Variants in PDE7B observed in about 807,000 individuals in gnomAD.
PDE7B encodes the protein 3',5'-cyclic-AMP phosphodiesterase 7B.
PDE7B carries 29 observed loss-of-function variants against 56.2 expected under a neutral mutation model. That is an observed-to-expected ratio of 0.52 (90% CI 0.38 to 0.70). The LOEUF (loss-of-function observed/expected upper bound fraction) is 0.70, where lower values mean the gene tolerates loss of function less well. PDE7B is among the 30% of genes least tolerant of loss of function. The pLI is 0.00. For synonymous variants in PDE7B, 197 were observed against 196.9 expected, an observed-to-expected ratio of 1.00 and a Z score of 0.00; for missense variants, 490 against 565.0, an observed-to-expected ratio of 0.87 and a Z score of 1.35.
chr6:135,893,382 T>C (rs1775843241), intron 1 of PDE7B, among the ~76,000 whole-genome samples: 1 of 152,016 alleles, frequency 6.6e-6, no homozygotes, highest in Non-Finnish European at 1.5e-5. Context: ...TCCATGTCCC[T>C]ACAAAGGACA....
chr6:135,977,587 T>C (rs1775208631), intron 2 of PDE7B, among the ~76,000 whole-genome samples: 1 of 152,104 alleles, frequency 6.6e-6, no homozygotes, highest in South Asian at 2.1e-4. Context: ...AGATGGATCT[T>C]TTAACCTACA....
chr6:136,056,512 CTTTTTTTTTTTTTTTTTTTTT>C (rs542232291), intron 2 of PDE7B, among the ~76,000 whole-genome samples: 5,241 of 54,044 alleles, frequency 0.097, 183 homozygotes, highest in Non-Finnish European at 0.13. Flanking sequence ...AGATAGAATC[CTTTTTTTTTTTTTTTTTTTTT>C]TTTTTTTTTT....
intron 3 of PDE7B, among the ~76,000 whole-genome samples, chr6:136,132,264 A>G (rs1047394615): frequency 6.6e-6 from 1 of 152,014 alleles, no homozygotes; most frequent in Non-Finnish European, 1.5e-5. Flanking sequence ...CTACTTTACT[A>G]TACCTTTTTT....
chr6:135,874,662 T>G (rs539196027), intron 1 of PDE7B, among the ~76,000 whole-genome samples: 3 of 152,314 alleles, frequency 2.0e-5, no homozygotes, highest in African/African-American at 7.2e-5. Flanking sequence ...ATTTTTATTT[T>G]AAAAAATCCA....
chr6:135,857,732 A>G (rs1269955251), intron 1 of PDE7B, among the ~76,000 whole-genome samples: 2 of 152,222 alleles, frequency 1.3e-5, no homozygotes, highest in Non-Finnish European at 2.9e-5. Flanking sequence ...AAATTATTGC[A>G]AAATCATACA....
At chr6:135,951,648 T>C (rs368969092) in intron 2 of PDE7B, among the ~76,000 whole-genome samples, 3 of 152,230 alleles carry the variant, frequency 2.0e-5, no homozygotes, top group African/African-American at 7.2e-5. Flanking sequence ...TAGAATGGGA[T>C]TTTTTCAAAT....
At chr6:135,978,507 C>T (rs1437202711) in intron 2 of PDE7B, among the ~76,000 whole-genome samples, 3 of 151,984 alleles carry the variant, frequency 2.0e-5, no homozygotes, top group Non-Finnish European at 2.9e-5. Context: ...ATAAATTAAC[C>T]GTAGCTTACA....
At chr6:136,139,145 G>A (rs959506389) in intron 3 of PDE7B, among the ~76,000 whole-genome samples, 1 of 152,074 alleles carries the variant, frequency 6.6e-6, no homozygotes, top group African/African-American at 2.4e-5. Context: ...ACAGGCCCCA[G>A]TGTGTGATGT....
chr6:135,882,825 G>C (rs1213469962), intron 1 of PDE7B, among the ~76,000 whole-genome samples: 1 of 152,164 alleles, frequency 6.6e-6, no homozygotes, highest in African/African-American at 2.4e-5. Context: ...TCAATGACCA[G>C]TGGAGACCTG....
chr6:135,910,853 T>C (rs879573253), intron 1 of PDE7B, among the ~76,000 whole-genome samples: 2 of 152,124 alleles, frequency 1.3e-5, no homozygotes, highest in Non-Finnish European at 2.9e-5. Context: ...GCCAAGGAGA[T>C]TATTTTATGA....
intron 3 of PDE7B, among the ~76,000 whole-genome samples, chr6:136,118,980 G>C (rs1043792078): frequency 6.6e-6 from 1 of 152,112 alleles, no homozygotes; most frequent in Non-Finnish European, 1.5e-5. Flanking sequence ...ACATTTCATC[G>C]CCTGACCTTG....
At chr6:136,028,602 C>T (rs1036443164) in intron 2 of PDE7B, among the ~76,000 whole-genome samples, 55 of 152,204 alleles carry the variant, frequency 3.6e-4, no homozygotes, top group Admixed American at 1.5e-3. Context: ...CTTTGAGAGC[C>T]TCCTCCCATT....
At chr6:136,122,930 C>T (rs1247165243) in intron 3 of PDE7B, among the ~76,000 whole-genome samples, 1 of 152,218 alleles carries the variant, frequency 6.6e-6, no homozygotes, top group Non-Finnish European at 1.5e-5. Context: ...AGCCTCCAGA[C>T]ACACTAAGAC....
chr6:136,194,929 C>T lies in PDE7B; in HGVS notation c.*3089C>T, dbSNP rs1309875670. The T allele has an allele frequency of 6.6e-6, 1 of 152,168 alleles. No homozygotes were observed. The highest frequency in any genetic ancestry group is 2.4e-5 in the African/African-American group (1 of 41,434). The allele number at this position is 152,168 out of a possible 1,614,324, so 9.4% of individuals were successfully genotyped here. A position where few individuals can be genotyped will look rare whatever the true frequency, so the allele number is the denominator to read the frequency against. On this transcript the variant is annotated 3_prime_UTR_variant, in exon 13 of 13. Coordinates refer to ENST00000308191, the MANE Select transcript of PDE7B (RefSeq NM_018945.4). The stretch of plus-strand genomic sequence containing the variant: ...AAAATCCCACAGCTATTGGATCATC[C>T]ACAGATTTTTTCTTTACAATCTTGT...
intron 2 of PDE7B, among the ~76,000 whole-genome samples, chr6:136,058,680 T>C (rs2128212273): frequency 6.6e-6 from 1 of 152,276 alleles, no homozygotes; most frequent in Non-Finnish European, 1.5e-5. Context: ...TTAACTGGTA[T>C]CCTTCTGTGC....
At chr6:136,160,387 C>T (rs114638670) in intron 8 of PDE7B, among the ~76,000 whole-genome samples, 3 of 152,090 alleles carry the variant, frequency 2.0e-5, no homozygotes, top group African/African-American at 4.8e-5. Context: ...TTGGTTGATA[C>T]GAGTCACTGA....
chr6:136,032,061 C>T (rs1776254918), intron 2 of PDE7B, among the ~76,000 whole-genome samples: 1 of 152,186 alleles, frequency 6.6e-6, no homozygotes, highest in South Asian at 2.1e-4. Flanking sequence ...ACATTTGATT[C>T]TGCACACTAC....
At chr6:135,920,886 T>G (rs1475762400) in intron 1 of PDE7B, among the ~76,000 whole-genome samples, 1 of 152,210 alleles carries the variant, frequency 6.6e-6, no homozygotes, top group Non-Finnish European at 1.5e-5. Context: ...TGCTGGGGGA[T>G]GACGTCACTG....
intron 1 of PDE7B, among the ~76,000 whole-genome samples, chr6:135,946,973 C>T (rs1029576115): frequency 6.6e-6 from 1 of 151,964 alleles, no homozygotes; most frequent in Non-Finnish European, 1.5e-5. Context: ...ATTAGGAATG[C>T]CAGTTTTTCA....
Sources: allele counts gnomAD v4.1 joint callset (sites outside exome capture counted in the v4.1 genomes callset), GRCh38; gene constraint gnomAD v4.1.1; transcripts MANE v1.5; gene names NCBI Gene and HGNC (gene_info 2026-07-23, HGNC 2026-07-21).